Variants in CFAP299 observed in about 807,000 individuals in gnomAD.
The protein encoded by CFAP299 is cilia- and flagella-associated protein 299.
A neutral mutation model predicts 27.0 loss-of-function variants in CFAP299; 21 were observed. The observed-to-expected ratio is 0.78, with a 90% CI of 0.55 to 1.12. The LOEUF (loss-of-function observed/expected upper bound fraction) is 1.12, where lower values mean the gene tolerates loss of function less well. Among genes scored for constraint, CFAP299 ranks in the 50% most tolerant of loss-of-function variants. The pLI is 0.00. For missense variants in CFAP299, 310 were observed against 276.6 expected, an observed-to-expected ratio of 1.12 and a Z score of -0.86; for synonymous variants, 104 against 98.1, an observed-to-expected ratio of 1.06 and a Z score of -0.36.
At chr4:80,843,149 T>C (rs1730957691) in intron 3 of CFAP299, among the ~76,000 whole-genome samples, 1 of 152,050 alleles carries the variant, frequency 6.6e-6, no homozygotes, top group Non-Finnish European at 1.5e-5. Context: ...GTTATATATG[T>C]ATACATGTGC....
At chr4:80,892,137 A>G (rs148614444) in intron 4 of CFAP299, among the ~76,000 whole-genome samples, 4 of 152,282 alleles carry the variant, frequency 2.6e-5, no homozygotes, top group African/African-American at 7.2e-5. Context: ...CTGAAAGAAC[A>G]TGGTACTGGC....
chr4:80,950,417 A>G (rs1481792756), intron 5 of CFAP299, among the ~76,000 whole-genome samples: 3 of 152,172 alleles, frequency 2.0e-5, no homozygotes, highest in Non-Finnish European at 4.4e-5. Context: ...AAGTAACCTG[A>G]GAGGACAGAA....
chr4:80,757,957 C>G (rs1379317549), intron 3 of CFAP299, among the ~76,000 whole-genome samples: 2 of 152,122 alleles, frequency 1.3e-5, no homozygotes, highest in Non-Finnish European at 2.9e-5. Context: ...GAGCAAGCAC[C>G]TTTGGAACCT....
chr4:80,764,771 A>G (rs1197556395), intron 3 of CFAP299, among the ~76,000 whole-genome samples: 3 of 152,240 alleles, frequency 2.0e-5, no homozygotes, highest in Non-Finnish European at 4.4e-5. Context: ...GCCATAAAAA[A>G]GGATGAGTTC....
At chr4:80,350,132 G>A (rs1722948719) in intron 1 of CFAP299, among the ~76,000 whole-genome samples, 1 of 152,034 alleles carries the variant, frequency 6.6e-6, no homozygotes, top group African/African-American at 2.4e-5. Flanking sequence ...ATGTCAAACA[G>A]TCTAACATAC....
chr4:80,733,305 A>G (rs1484283486), intron 3 of CFAP299, among the ~76,000 whole-genome samples: 1 of 152,066 alleles, frequency 6.6e-6, no homozygotes, highest in Non-Finnish European at 1.5e-5. Context: ...GTATCTAAAT[A>G]GCATTCTTTG....
At position 80,868,905 on chromosome 4, in the gene CFAP299, C is replaced by CTGTGTG. The variant is rs1184951626; in HGVS notation, c.334-1050_334-1045dup. Among the ~76,000 whole-genome samples the CTGTGTG allele has an allele frequency of 2.4e-3, 336 of 137,666 alleles. 3 individuals are homozygous for CTGTGTG. The highest frequency in any genetic ancestry group is 5.9e-3 in the African/African-American group (216 of 36,386). 90.3% of individuals were successfully genotyped at this position (137,666 alleles called of 152,430 possible). A position where few individuals can be genotyped will look rare whatever the true frequency, so the allele number is the denominator to read the frequency against. On this transcript the variant is annotated intron_variant, in intron 3 of 5. Coordinates refer to ENST00000358105, the MANE Select transcript of CFAP299 (RefSeq NM_152770.3). ...ATTCCATGGGTGGGGGCTTCTCTCT[C>CTGTGTG]TGTGTGTGTGTGTGTGTGTGTGTGT...
At chr4:80,724,233 A>G (rs1191086836) in intron 3 of CFAP299, among the ~76,000 whole-genome samples, 2 of 152,106 alleles carry the variant, frequency 1.3e-5, no homozygotes, top group South Asian at 2.1e-4. Flanking sequence ...GTTAAAAGAA[A>G]AGTAGAGCTT....
At chr4:80,436,384 C>T (rs1032921692) in intron 2 of CFAP299, among the ~76,000 whole-genome samples, 2 of 151,432 alleles carry the variant, frequency 1.3e-5, no homozygotes, top group South Asian at 2.1e-4. Flanking sequence ...CTGTAAGCTC[C>T]GCCTCACAGG....
At chr4:80,507,982 A>T (rs1732116188) in intron 2 of CFAP299, among the ~76,000 whole-genome samples, 1 of 152,206 alleles carries the variant, frequency 6.6e-6, no homozygotes, top group Admixed American at 6.5e-5. Context: ...TATATTTTTA[A>T]AATTGGTCTT....
intron 3 of CFAP299, among the ~76,000 whole-genome samples, chr4:80,830,150 T>C (rs1227847667): frequency 1.3e-5 from 2 of 152,066 alleles, no homozygotes; most frequent in African/African-American, 4.8e-5. Context: ...CAGAGTGTGT[T>C]TTTCTTTTCA....
intron 4 of CFAP299, among the ~76,000 whole-genome samples, chr4:80,937,104 A>G (rs1560484099): frequency 6.6e-6 from 1 of 151,586 alleles, no homozygotes; most frequent in Non-Finnish European, 1.5e-5. Flanking sequence ...TTCTATTAAT[A>G]TTTGCTTTAT....
chr4:80,572,789 T>A (rs941154652), intron 2 of CFAP299, among the ~76,000 whole-genome samples: 1 of 152,006 alleles, frequency 6.6e-6, no homozygotes, highest in African/African-American at 2.4e-5. Flanking sequence ...AGTGCTGGAA[T>A]TACAGGCGTG....
At chr4:80,672,638 AT>A (rs1741562783) in intron 3 of CFAP299, among the ~76,000 whole-genome samples, 1 of 151,614 alleles carries the variant, frequency 6.6e-6, no homozygotes, top group Non-Finnish European at 1.5e-5. Flanking sequence ...TGGTCTTGGA[AT>A]TTTTTTGTTG....
At chr4:80,452,806 C>T (rs1182121755) in intron 2 of CFAP299, among the ~76,000 whole-genome samples, 1 of 152,124 alleles carries the variant, frequency 6.6e-6, no homozygotes, top group African/African-American at 2.4e-5. Context: ...CATCCGTCCG[C>T]ATTGATGTTT....
chr4:80,659,140 C>A (rs76009625), intron 3 of CFAP299, among the ~76,000 whole-genome samples: 10,512 of 152,044 alleles, frequency 0.069, 815 homozygotes, highest in African/African-American at 0.19. Context: ...AACTGCCTAA[C>A]TACCATATGC....
intron 3 of CFAP299, among the ~76,000 whole-genome samples, chr4:80,849,485 T>A (rs1409806140): frequency 6.6e-6 from 1 of 152,072 alleles, no homozygotes; most frequent in South Asian, 2.1e-4. Flanking sequence ...AAAAATCAAG[T>A]ACAGGTAAAA....
At chr4:80,690,577 C>T (rs1266541933) in intron 3 of CFAP299, among the ~76,000 whole-genome samples, 5 of 151,788 alleles carry the variant, frequency 3.3e-5, no homozygotes, top group African/African-American at 1.2e-4. Flanking sequence ...ACTACATGCC[C>T]ACAAGAGAAA....
At chr4:80,860,503 T>G (rs973166272) in intron 3 of CFAP299, among the ~76,000 whole-genome samples, 3 of 152,136 alleles carry the variant, frequency 2.0e-5, no homozygotes, top group Admixed American at 6.6e-5. Context: ...AGAGTTGCCA[T>G]TTTTTCTGCT....
Sources: allele counts gnomAD v4.1 joint callset (sites outside exome capture counted in the v4.1 genomes callset), GRCh38; gene constraint gnomAD v4.1.1; transcripts MANE v1.5; gene names NCBI Gene and HGNC (gene_info 2026-07-23, HGNC 2026-07-21).